The following NWD2 variants were observed in gnomAD, a reference collection of about 807,000 sequenced individuals.
NWD2 encodes the protein NACHT and WD repeat domain-containing protein 2.
In NWD2, 37 loss-of-function variants were observed where a neutral mutation model predicts 132.7. The observed-to-expected ratio is 0.28, with a 90% CI of 0.21 to 0.37. The LOEUF (loss-of-function observed/expected upper bound fraction) is 0.37. Among genes scored for constraint, NWD2 ranks in the 10% least tolerant of loss-of-function variants. The pLI, the probability that NWD2 is intolerant of heterozygous loss-of-function variation, is 1.00. For missense variants in NWD2, 1,592 were observed against 2,122.4 expected, an observed-to-expected ratio of 0.75 and a Z score of 4.91; for synonymous variants, 705 against 803.0, an observed-to-expected ratio of 0.88 and a Z score of 2.06.
chr4:37,398,083 C>T (rs1374114866), intron 3 of NWD2, among the ~76,000 whole-genome samples: 1 of 152,198 alleles, frequency 6.6e-6, no homozygotes, highest in African/African-American at 2.4e-5. Flanking sequence ...TTACCAAATA[C>T]TTACCATGGG....
At chr4:37,354,715 C>T (rs1719836005) in intron 2 of NWD2, among the ~76,000 whole-genome samples, 1 of 152,180 alleles carries the variant, frequency 6.6e-6, no homozygotes, top group South Asian at 2.1e-4. Context: ...CTGGGAACAT[C>T]CTTCCCAAGG....
intron 1 of NWD2, among the ~76,000 whole-genome samples, chr4:37,255,242 A>G (rs766648926): frequency 6.6e-6 from 1 of 152,220 alleles, no homozygotes; most frequent in East Asian, 1.9e-4. Context: ...TCAAAGGCTG[A>G]TTGGAATAAT....
chr4:37,298,923 G>A (rs1351822846), intron 1 of NWD2, among the ~76,000 whole-genome samples: 1 of 152,078 alleles, frequency 6.6e-6, no homozygotes, highest in East Asian at 1.9e-4. Flanking sequence ...AGATTGTATG[G>A]ACATTGTCTG....
At position 37,430,646 on chromosome 4, in the gene NWD2, G is replaced by A; in HGVS notation, c.432G>A (p.Leu144=). The A allele has an allele frequency of 6.4e-7, 1 of 1,551,542 alleles. No individual in the cohort carries two copies. The highest frequency in any genetic ancestry group is 8.7e-7 in the Non-Finnish European group (1 of 1,146,854). ...AAGCCTCAGAGTTTGAAATGATTTT[G>A]GATGCCGCCATAGAGGCAAAGCTGG... ...EVEASEFEMI[L]DAAIEAKLET... Residue 144 remains leucine (L), a synonymous_variant, in exon 4 of 7, where the codon TTG becomes TTA. Transcript: ENST00000309447.
chr4:37,425,818 T>G (rs1461577657), intron 3 of NWD2, among the ~76,000 whole-genome samples: 1 of 152,206 alleles, frequency 6.6e-6, no homozygotes, highest in East Asian at 1.9e-4. Flanking sequence ...CTATTGCCAG[T>G]GAACAGAGAA....
intron 1 of NWD2, among the ~76,000 whole-genome samples, chr4:37,283,328 C>G (rs571811808): frequency 6.6e-6 from 1 of 152,266 alleles, no homozygotes; most frequent in African/African-American, 2.4e-5. Context: ...TTTTGACAGA[C>G]ACAATAATTT....
intron 1 of NWD2, among the ~76,000 whole-genome samples, chr4:37,250,402 T>C (rs1374222983): frequency 6.6e-6 from 1 of 152,210 alleles, no homozygotes; most frequent in African/African-American, 2.4e-5. Context: ...GTTTCCTGCA[T>C]TTAAATCCTC....
At chr4:37,368,189 A>G (rs967793238) in intron 3 of NWD2, among the ~76,000 whole-genome samples, 1 of 152,048 alleles carries the variant, frequency 6.6e-6, no homozygotes, top group African/African-American at 2.4e-5. Flanking sequence ...TTTTCATCTA[A>G]TTTCCCTGGA....
At chr4:37,431,452 A>G (rs1712176373) in intron 4 of NWD2, among the ~76,000 whole-genome samples, 1 of 152,336 alleles carries the variant, frequency 6.6e-6, no homozygotes, top group South Asian at 2.1e-4. Flanking sequence ...TCTCACTTAC[A>G]TATGGAATCT....
chr4:37,298,101 T>G (rs1487931415), intron 1 of NWD2, among the ~76,000 whole-genome samples: 2 of 152,086 alleles, frequency 1.3e-5, no homozygotes, highest in Non-Finnish European at 2.9e-5. Context: ...TGGGGGAAGT[T>G]TCAAGGAAGT....
At chr4:37,369,919 A>G (rs567211926) in intron 3 of NWD2, among the ~76,000 whole-genome samples, 12 of 152,240 alleles carry the variant, frequency 7.9e-5, no homozygotes, top group African/African-American at 2.9e-4. Flanking sequence ...GGACTTCTCC[A>G]TTGTATGGCC....
Position 37,310,238 on chromosome 4 carries a change from C to A in NWD2, c.152-15698C>A, listed in dbSNP as rs536566392. On this transcript the variant is annotated intron_variant, in intron 1 of 6. Transcript: ENST00000309447. ...ATTTCTGCTTTCACTGTGCCTTTGG[C>A]CTGTCTGTGTGTTATTTAGTTTTAT... 8.5e-5 allele frequency among the ~76,000 whole-genome samples: 13 copies of A among 152,254 alleles called. No homozygotes were observed. The East Asian group carries it at 2.1e-3, about 25-fold the overall frequency.
At chr4:37,342,374 G>A (rs934894343) in intron 2 of NWD2, among the ~76,000 whole-genome samples, 2 of 152,010 alleles carry the variant, frequency 1.3e-5, no homozygotes, top group Non-Finnish European at 2.9e-5. Context: ...AGATGCTGGC[G>A]CTATGCTCAT....
At chr4:37,332,564 G>A (rs897471813) in intron 2 of NWD2, among the ~76,000 whole-genome samples, 7 of 152,116 alleles carry the variant, frequency 4.6e-5, no homozygotes, top group Non-Finnish European at 8.8e-5. Context: ...CCAATCCTGG[G>A]CTCTGAATAA....
intron 1 of NWD2, among the ~76,000 whole-genome samples, chr4:37,279,461 T>A (rs1038008334): frequency 6.6e-6 from 1 of 152,186 alleles, no homozygotes; most frequent in Admixed American, 6.5e-5. Context: ...ATCAGTTGAT[T>A]TTTCCAAATG....
At chr4:37,316,920 T>C (rs915628944) in intron 1 of NWD2, among the ~76,000 whole-genome samples, 3 of 152,206 alleles carry the variant, frequency 2.0e-5, no homozygotes, top group African/African-American at 4.8e-5. Context: ...TATTTTTGTT[T>C]AGTAACTTAC....
At chr4:37,307,616 A>G (rs1656222) in intron 1 of NWD2, among the ~76,000 whole-genome samples, 11,043 of 152,204 alleles carry the variant, frequency 0.073, 1,231 homozygotes, top group African/African-American at 0.24. Flanking sequence ...TTGAGGTTGA[A>G]TCTATTTGGG....
intron 3 of NWD2, among the ~76,000 whole-genome samples, chr4:37,356,684 C>T (rs998960057): frequency 1.1e-4 from 16 of 152,134 alleles, no homozygotes; most frequent in Non-Finnish European, 1.9e-4. Flanking sequence ...TGCCAATTAA[C>T]GGTGAATAAT....
chr4:37,390,133 T>G (rs1023914648), intron 3 of NWD2, among the ~76,000 whole-genome samples: 3 of 152,126 alleles, frequency 2.0e-5, no homozygotes, highest in Non-Finnish European at 2.9e-5. Context: ...TAGAGTTCAG[T>G]CTGAAGTTGC....
Sources: gnomAD v4.1 joint callset for allele counts (sites outside exome capture counted in the v4.1 genomes callset) on GRCh38, gnomAD v4.1.1 for gene constraint, MANE v1.5 for transcripts, NCBI Gene and HGNC (gene_info 2026-07-23, HGNC 2026-07-21) for gene names.